The following SMPX variants were observed in gnomAD, a reference collection of about 807,000 sequenced individuals.
SMPX encodes the protein small muscular protein.
A neutral mutation model predicts 6.3 loss-of-function variants in SMPX; 2 were observed. That is an observed-to-expected ratio of 0.32 (90% CI 0.13 to 0.99). The LOEUF (loss-of-function observed/expected upper bound fraction) is 0.99. SMPX is among the 50% of genes least tolerant of loss of function. The probability of loss-of-function intolerance (pLI) is 0.49; values close to 1 mark genes in which losing one functional copy is unlikely to be tolerated. For missense variants in SMPX, 60 were observed against 66.8 expected, an observed-to-expected ratio of 0.90 and a Z score of 0.36; for synonymous variants, 32 against 24.7, an observed-to-expected ratio of 1.30 and a Z score of -0.88.
chrX:21,725,690 G>A (rs766647769), intron 4 of SMPX, among the ~76,000 whole-genome samples: 7 of 112,317 alleles, frequency 6.2e-5, no homozygotes, highest in Admixed American at 9.4e-5. Context: ...AGGAGAAAGA[G>A]GACAGTTGCA....
chrX:21,742,399 T>C (rs992778958), intron 3 of SMPX, among the ~76,000 whole-genome samples: 1 of 112,245 alleles, frequency 8.9e-6, no homozygotes, highest in Non-Finnish European at 1.9e-5. Flanking sequence ...CATTATATCA[T>C]GCCCTCGCAG....
intron 4 of SMPX, among the ~76,000 whole-genome samples, chrX:21,722,476 G>C (rs182658880): frequency 1.3e-4 from 14 of 111,924 alleles, no homozygotes; most frequent in Non-Finnish European, 9.4e-5. Context: ...TGTAAATCTA[G>C]AACGATCTCA....
In SMPX at chrX:21,712,249, G is replaced by A. The variant is rs137954367; in HGVS notation, c.*15-5855C>T. Among the ~76,000 whole-genome samples, 520 of 111,905 alleles carry A rather than the reference G, an allele frequency of 4.6e-3. 11 individuals carry two copies. The East Asian group carries it at 0.11, about 23-fold the overall frequency. On this transcript the variant is annotated intron_variant, in intron 4 of 4. Transcript: ENST00000379494. ...TGCCTTTGCAACTCATGAAGCCTTC[G>A]GTGGTTAAAATGAAAATTGAAATCC... is the stretch of plus-strand genomic sequence containing the variant.
chrX:21,724,990 A>G (rs2092795421), intron 4 of SMPX, among the ~76,000 whole-genome samples: 1 of 112,247 alleles, frequency 8.9e-6, no homozygotes, highest in Non-Finnish European at 1.9e-5. Context: ...AAAACTTCCA[A>G]ATAAACCTGT....
At chrX:21,719,726 C>T (rs754040789) in intron 4 of SMPX, among the ~76,000 whole-genome samples, 2 of 111,374 alleles carry the variant, frequency 1.8e-5, no homozygotes, top group Non-Finnish European at 3.8e-5. Context: ...TTTGGAACCC[C>T]TCCCCACTAA....
intron 4 of SMPX, among the ~76,000 whole-genome samples, chrX:21,717,474 A>G (rs1415037232): frequency 8.9e-6 from 1 of 112,572 alleles, no homozygotes; most frequent in Non-Finnish European, 1.9e-5. Flanking sequence ...TACAGGGGCC[A>G]TTTTTAGAAA....
intron 4 of SMPX, among the ~76,000 whole-genome samples, chrX:21,714,723 A>T (rs886969078): frequency 9.8e-5 from 11 of 112,450 alleles, no homozygotes; most frequent in Non-Finnish European, 1.9e-4. Context: ...TCTTAAACGA[A>T]AATCAGTAAC....
chrX:21,754,446 G>A (rs1351316424), intron 1 of SMPX, 144 bp from the exon 2 acceptor site: 5 of 534,124 alleles, frequency 9.4e-6, no homozygotes, highest in East Asian at 7.0e-5. Flanking sequence ...CCAAAGTTAC[G>A]AAGACACTCT....
chrX:21,743,857 G>A, intron 2 of SMPX, 21 bp from the exon 3 acceptor site: 1 of 1,121,114 alleles, frequency 8.9e-7, no homozygotes, highest in African/African-American at 1.8e-5. Flanking sequence ...AAACAGGGTA[G>A]GTTTAGCTCA....
chrX:21,753,290 G>T (rs1410640576), intron 2 of SMPX, among the ~76,000 whole-genome samples: 1 of 111,659 alleles, frequency 9.0e-6, no homozygotes, highest in East Asian at 2.8e-4. Flanking sequence ...GTAAAGATCT[G>T]TCCCTCCACC....
intron 2 of SMPX, among the ~76,000 whole-genome samples, chrX:21,746,531 G>C (rs751204026): frequency 9.0e-6 from 1 of 111,037 alleles, no homozygotes; most frequent in East Asian, 2.8e-4. Flanking sequence ...AGATAAAATG[G>C]ATAATTTCAT....
chrX:21,756,894 A>G (rs776802156), intron 1 of SMPX, among the ~76,000 whole-genome samples: 10 of 112,607 alleles, frequency 8.9e-5, no homozygotes, highest in African/African-American at 2.6e-4. Flanking sequence ...AGCCTATAGT[A>G]TAATGAAAAT....
At chrX:21,737,771 GA>G (rs1411405568) in intron 3 of SMPX, 74 bp from the exon 4 acceptor site, 36 of 1,028,902 alleles carry the variant, frequency 3.5e-5, no homozygotes, top group Non-Finnish European at 4.0e-5. Context: ...GCATGAACCA[GA>G]AAAAAAAATT....
intron 1 of SMPX, among the ~76,000 whole-genome samples, chrX:21,757,467 C>T (rs754646987): frequency 2.7e-5 from 3 of 111,786 alleles, no homozygotes; most frequent in East Asian, 5.6e-4. Flanking sequence ...ATCATTGAGA[C>T]CAAGCCTGGT....
intron 2 of SMPX, among the ~76,000 whole-genome samples, chrX:21,751,142 C>A (rs2092827081): frequency 8.9e-6 from 1 of 112,247 alleles, no homozygotes; most frequent in African/African-American, 3.2e-5. Flanking sequence ...GAAGTTCGCA[C>A]TGCAAAACAC....
intron 4 of SMPX, chrX:21,733,833 T>C (rs967582894): frequency 4.2e-5 from 13 of 306,380 alleles, no homozygotes; most frequent in African/African-American, 3.5e-4. Context: ...TAAGACGTAG[T>C]GCCTAGAGGA....
chrX:21,736,535 T>C (rs1217377638), intron 4 of SMPX, among the ~76,000 whole-genome samples: 2 of 112,094 alleles, frequency 1.8e-5, no homozygotes, highest in African/African-American at 6.5e-5. Flanking sequence ...AAAGAAACAA[T>C]GGACATAATG....
chrX:21,713,627 C>T (rs999989604), intron 4 of SMPX, among the ~76,000 whole-genome samples: 3 of 111,311 alleles, frequency 2.7e-5, no homozygotes, highest in South Asian at 3.8e-4. Context: ...TTCACTATCA[C>T]GAGAACAACA....
At chrX:21,718,257 A>G (rs1261809207) in intron 4 of SMPX, among the ~76,000 whole-genome samples, 1 of 112,555 alleles carries the variant, frequency 8.9e-6, no homozygotes, top group Non-Finnish European at 1.9e-5. Flanking sequence ...AGCAACAAGA[A>G]TACATAGTGG....
Sources: allele counts gnomAD v4.1 joint callset (sites outside exome capture counted in the v4.1 genomes callset), GRCh38; gene constraint gnomAD v4.1.1; transcripts MANE v1.5; gene names NCBI Gene and HGNC (gene_info 2026-07-23, HGNC 2026-07-21).